Variants in ADAM11 observed in about 807,000 individuals in gnomAD.
The protein encoded by ADAM11 is ADAM metallopeptidase domain 11.
Under a neutral mutation model 119.1 loss-of-function variants are expected in ADAM11, and 49 were observed. The observed-to-expected ratio is 0.41, with a 90% CI of 0.33 to 0.52. ADAM11 has a LOEUF of 0.52. Ranked by LOEUF, ADAM11 falls within the 20% of genes least tolerant of loss-of-function variation. The probability of loss-of-function intolerance (pLI) is 0.20; values close to 1 mark genes in which losing one functional copy is unlikely to be tolerated. For missense variants in ADAM11, 777 were observed against 1,047.5 expected (o/e 0.74, Z 3.56); for synonymous variants, 364 against 408.0 (o/e 0.89, Z 1.30).
intron 3 of ADAM11, 79 bp downstream of exon 3, chr17:44,769,873 CTGGGGGT>C (rs1567690240): frequency 6.5e-7 from 1 of 1,547,798 alleles, no homozygotes; most frequent in Admixed American, 1.7e-5. Flanking sequence ...TGCTGGGGGT[CTGGGGGT>C]TGGGCCTGGG....
In ADAM11 at chr17:44,769,970, C is replaced by A. The variant is rs756655426; in HGVS notation, c.315-12C>A. 1.2e-6 allele frequency: 2 copies of A among 1,613,934 alleles called. No individual in the cohort carries two copies. Among genetic ancestry groups the A allele is most frequent in the Non-Finnish European group, 1.7e-6 (2 of 1,179,946 alleles). Reference sequence around the variant, plus strand: ...CCCGTGACCCCCCTTCCTGCTGCCCCCTCTGTCTCAGCCACCTCCTCTCCT... The same window carrying A: ...CCCGTGACCCCCCTTCCTGCTGCCCACTCTGTCTCAGCCACCTCCTCTCCT... On this transcript the variant is annotated splice_polypyrimidine_tract_variant and intron_variant, in intron 3 of 26. Transcript: ENST00000200557.
Position 44,777,046 on chromosome 17 carries a change from C to G in ADAM11, c.1681+84C>G. On this transcript the variant is annotated intron_variant, in intron 20 of 26. Coordinates refer to ENST00000200557, the MANE Select transcript of ADAM11 (RefSeq NM_002390.6). This position sits in a 1 kb window ranked among gnomAD's most constrained non-coding sequence, Gnocchi z 5.1. ...GGAGAGTGGGTTCCAGCTGAACAGGCCCCCAAGTGTGTAGCTCCCCAGGAT... is the reference window on the plus strand; with the variant it reads ...GGAGAGTGGGTTCCAGCTGAACAGGGCCCCAAGTGTGTAGCTCCCCAGGAT... 2 of 1,552,676 alleles carry G rather than the reference C, an allele frequency of 1.3e-6. No individual in the cohort carries two copies. Among genetic ancestry groups the G allele is most frequent in the Admixed American group, 1.8e-5 (1 of 55,854 alleles).
In ADAM11 at chr17:44,773,261, A is replaced by G. The variant is rs1892974753; in HGVS notation, c.826A>G (p.Ile276Val). The change falls in exon 11 of 27, where the codon ATA (isoleucine) becomes GTA (valine). Residue 276 changes from isoleucine (I) to valine (V), a missense_variant and splice_region_variant. Ile to Val is a conservative substitution (Grantham distance 29). Around this residue, in one of 4 missense-constraint regions of ADAM11, gnomAD observed 147 missense variants for 223.3 expected, o/e 0.66. Coordinates refer to ENST00000200557, the MANE Select transcript of ADAM11 (RefSeq NM_002390.6). This position sits in a 1 kb window ranked among gnomAD's most constrained non-coding sequence, Gnocchi z 4.6. ...TCCAGCCCCCTCATCTTCTCCCCAGATATACAAGGAGCAGCTCAACACTCG... is the reference window on the plus strand; with the variant it reads ...TCCAGCCCCCTCATCTTCTCCCCAGGTATACAAGGAGCAGCTCAACACTCG... ...AKSVVNLADV[I>V]YKEQLNTRIV... 2 of 1,613,016 alleles carry G rather than the reference A, an allele frequency of 1.2e-6. No homozygotes were observed. Among genetic ancestry groups the G allele is most frequent in the Non-Finnish European group, 8.5e-7 (1 of 1,179,376 alleles).
At chr17:44,778,994 C>A (rs752612586) in intron 25 of ADAM11, among the ~76,000 whole-genome samples, 2 of 152,158 alleles carry the variant, frequency 1.3e-5, no homozygotes, top group Non-Finnish European at 2.9e-5. Flanking sequence ...ACCCATGGCC[C>A]AAGGTCACAT....
chr17:44,776,747 C>A lies in ADAM11; in HGVS notation c.1569C>A (p.Cys523Ter). The change falls in exon 19 of 27, where the codon TGC becomes TGA. Residue 523 changes from cysteine (C) to a stop codon, truncating the protein, a stop_gained and splice_region_variant. Transcript: ENST00000200557. LOFTEE classifies it high-confidence loss of function. This position sits in a 1 kb window ranked among gnomAD's most constrained non-coding sequence, Gnocchi z 5.2. ...AETCTGDSSQ[C>*]PPNLHKLDGY... is the part of the protein sequence containing the mutation. Reference sequence around the variant, plus strand: ...CAACCCCACCCCTCTCTCCACAGTGCCCGCCTAACCTGCACAAGCTGGACG... The same window carrying A: ...CAACCCCACCCCTCTCTCCACAGTGACCGCCTAACCTGCACAAGCTGGACG... 6.2e-7 allele frequency: 1 copy of A among 1,614,100 alleles called. No individual in the cohort carries two copies. The highest frequency in any genetic ancestry group is 8.5e-7 in the Non-Finnish European group (1 of 1,179,996).
intron 2 of ADAM11, among the ~76,000 whole-genome samples, chr17:44,767,154 G>A (rs1250322002): frequency 6.6e-6 from 1 of 151,986 alleles, no homozygotes; most frequent in Non-Finnish European, 1.5e-5. Flanking sequence ...AGGAGTTCAA[G>A]ACAAGCCTGG....
chr17:44,760,687 A>G (rs1256991706), intron 2 of ADAM11, among the ~76,000 whole-genome samples: 1 of 152,076 alleles, frequency 6.6e-6, no homozygotes, highest in Non-Finnish European at 1.5e-5. Flanking sequence ...AACAGGAGGT[A>G]TAGGGGGGAG....
chr17:44,760,354 G>A (rs1221680050), intron 2 of ADAM11, among the ~76,000 whole-genome samples: 1 of 152,158 alleles, frequency 6.6e-6, no homozygotes, highest in Non-Finnish European at 1.5e-5. Context: ...TCCTGCCTCA[G>A]TTTCCACACA....
intron 2 of ADAM11, among the ~76,000 whole-genome samples, chr17:44,760,955 A>G (rs1334989102): frequency 7.2e-6 from 1 of 139,384 alleles, no homozygotes; most frequent in Admixed American, 7.9e-5. Context: ...TGCATAATAG[A>G]TGGACCATCA....
chr17:44,780,052 A>C lies in ADAM11; in HGVS notation c.*298A>C, dbSNP rs1217602381. Reference sequence around the variant, plus strand: ...CCACCTCATGGATTGCCACAGCTCAACTCGGGGGCGCCTGGAGGGATGCCC... The same window carrying C: ...CCACCTCATGGATTGCCACAGCTCACCTCGGGGGCGCCTGGAGGGATGCCC... On this transcript the variant is annotated 3_prime_UTR_variant, in exon 27 of 27. Coordinates refer to ENST00000200557, the MANE Select transcript of ADAM11 (RefSeq NM_002390.6). The C allele has an allele frequency of 2.9e-6, 2 of 683,604 alleles. No individual in the cohort carries two copies. Among genetic ancestry groups the C allele is most frequent in the African/African-American group, 1.8e-5 (1 of 56,766 alleles). The allele number at this position is 683,604 out of a possible 1,614,324, so 42.3% of individuals were successfully genotyped here. A position where few individuals can be genotyped will look rare whatever the true frequency, so the allele number is the denominator to read the frequency against.
In ADAM11 at chr17:44,776,168, G is replaced by A; in HGVS notation, c.1527G>A (p.Glu509=). Residue 509 remains glutamate, a synonymous_variant, in exon 18 of 27, where the codon GAG becomes GAA. Transcript: ENST00000200557. The surrounding 1 kb of genome is among the most constrained non-coding windows in gnomAD (Gnocchi z 5.2). ...TGTCCTGCCGAGAGGCCGTGAACGAGTGCGACATCGCGGAGACCTGCACCG... is the reference window on the plus strand; with the variant it reads ...TGTCCTGCCGAGAGGCCGTGAACGAATGCGACATCGCGGAGACCTGCACCG... ...RGVSCREAVN[E]CDIAETCTGD... 2.5e-6 allele frequency: 4 copies of A among 1,613,632 alleles called. No homozygotes were observed.
At chr17:44,779,195 T>G in intron 25 of ADAM11, 27 bp from the exon 26 acceptor site, 1 of 1,586,836 alleles carries the variant, frequency 6.3e-7, no homozygotes, top group Non-Finnish European at 8.6e-7. Flanking sequence ...CCTTTTCCTC[T>G]CCCCTTCCAC....
rs1448447384 is a variant in ADAM11, at chr17:44,779,891, G to A, written c.*137G>A. 2 of 1,273,480 alleles carry A rather than the reference G, an allele frequency of 1.6e-6. No homozygotes were observed. The highest frequency in any genetic ancestry group is 2.2e-6 in the Non-Finnish European group (2 of 899,642). The allele number at this position is 1,273,480 out of a possible 1,614,324, so 78.9% of individuals were successfully genotyped here. On this transcript the variant is annotated 3_prime_UTR_variant, in exon 27 of 27. Coordinates refer to ENST00000200557, the MANE Select transcript of ADAM11 (RefSeq NM_002390.6). ...ACCCTTCAACTCCTGGCTCCGCAGG[G>A]GTTTGGGTGGGGGCTGTGGCCCTGC...
At position 44,779,790 on chromosome 17, in the gene ADAM11, G is replaced by A. The variant is rs747974172; in HGVS notation, c.*36G>A. 1.7e-5 allele frequency: 27 copies of A among 1,611,758 alleles called. No individual in the cohort carries two copies. In the Admixed American group the frequency reaches 3.2e-4, roughly 19 times the overall value. On this transcript the variant is annotated 3_prime_UTR_variant, in exon 27 of 27. Transcript: ENST00000200557. ...CCTCCCTCCAAGCCTGGCACCCACC[G>A]TCTCGGCCCTGAACCACGAGGCTGC... is the stretch of plus-strand genomic sequence containing the variant.
At chr17:44,778,718 GAAAGAGAGAAAGA>G (rs2049643880) in intron 25 of ADAM11, among the ~76,000 whole-genome samples, 1 of 101,684 alleles carries the variant, frequency 9.8e-6, no homozygotes, top group Non-Finnish European at 2.1e-5. Context: ...AAAAAAGAAA[GAAAGAGAGAAAGA>G]AAAGAAAAGA....
chr17:44,761,774 C>A (rs2049392193), intron 2 of ADAM11, among the ~76,000 whole-genome samples: 1 of 152,130 alleles, frequency 6.6e-6, no homozygotes, highest in Admixed American at 6.6e-5. Context: ...GCTTTGTATG[C>A]ACTCTACATC....
In ADAM11 at chr17:44,774,489, C is replaced by T. The variant is rs1359644783; in HGVS notation, c.1078-3C>T. On this transcript the variant is annotated splice_polypyrimidine_tract_variant and splice_region_variant and intron_variant, in intron 12 of 26. Coordinates refer to ENST00000200557, the MANE Select transcript of ADAM11 (RefSeq NM_002390.6). ...ATCTGTGCCCCATCTTCCCCACCCC[C>T]AGTACGGCAACATGGGGGCGATGGC... 6.2e-7 allele frequency: 1 copy of T among 1,612,632 alleles called. No homozygotes were observed. Among genetic ancestry groups the T allele is most frequent in the Non-Finnish European group, 8.5e-7 (1 of 1,179,538 alleles).
Position 44,779,755 on chromosome 17 carries a change from G to T in ADAM11, c.*1G>T. The T allele has an allele frequency of 6.2e-7, 1 of 1,608,514 alleles. No homozygotes were observed. Among genetic ancestry groups the T allele is most frequent in the Non-Finnish European group, 8.5e-7 (1 of 1,178,512 alleles). ...CCGTTCCAGGTCCGGAGGGGCCTAAGTGCCACCCTCCTCCCTCCAAGCCTG... is the reference window on the plus strand; with the variant it reads ...CCGTTCCAGGTCCGGAGGGGCCTAATTGCCACCCTCCTCCCTCCAAGCCTG... On this transcript the variant is annotated 3_prime_UTR_variant, in exon 27 of 27. Coordinates refer to ENST00000200557, the MANE Select transcript of ADAM11 (RefSeq NM_002390.6).
chr17:44,764,416 C>T (rs1471601247), intron 2 of ADAM11, among the ~76,000 whole-genome samples: 1 of 152,110 alleles, frequency 6.6e-6, no homozygotes, highest in African/African-American at 2.4e-5. Context: ...TGCCTGGGGC[C>T]CTGGTACCCC....
Sources: allele counts gnomAD v4.1 joint callset (sites outside exome capture counted in the v4.1 genomes callset), GRCh38; gene constraint gnomAD v4.1.1; regional missense constraint gnomAD v4.1.1; non-coding constraint Gnocchi (gnomAD v3.1); transcripts MANE v1.5; gene names NCBI Gene and HGNC (gene_info 2026-07-23, HGNC 2026-07-21).